Variants in VAV2 observed in about 807,000 individuals in gnomAD.
The protein encoded by VAV2 is guanine nucleotide exchange factor VAV2.
A neutral mutation model predicts 132.5 loss-of-function variants in VAV2; 67 were observed. That is an observed-to-expected ratio of 0.51 (90% CI 0.42 to 0.62). VAV2 has a LOEUF of 0.62. Among genes scored for constraint, VAV2 ranks in the 20% least tolerant of loss-of-function variants. The pLI is 0.00. For synonymous variants in VAV2, 492 were observed against 443.5 expected (o/e 1.11, Z -1.37); for missense variants, 938 against 1,153.6 (o/e 0.81, Z 2.71).
At chr9:133,889,297 C>T (rs186246259) in intron 2 of VAV2, among the ~76,000 whole-genome samples, 1 of 152,282 alleles carries the variant, frequency 6.6e-6, no homozygotes, top group East Asian at 1.9e-4. Context: ...CTCACGGGCA[C>T]GAGCCTAGAA....
At chr9:133,929,833 G>A (rs1840615520) in intron 2 of VAV2, among the ~76,000 whole-genome samples, 1 of 152,170 alleles carries the variant, frequency 6.6e-6, no homozygotes, top group African/African-American at 2.4e-5. Flanking sequence ...CACCGCCAGT[G>A]TCCCCAGGCC....
intron 4 of VAV2, among the ~76,000 whole-genome samples, chr9:133,820,516 A>G (rs975566763): frequency 1.3e-5 from 2 of 151,834 alleles, no homozygotes; most frequent in African/African-American, 4.8e-5. Flanking sequence ...TAGTAGAGAC[A>G]GGGTTTCACT....
intron 26 of VAV2, among the ~76,000 whole-genome samples, chr9:133,771,060 T>C (rs753655551): frequency 7.3e-5 from 9 of 123,326 alleles, no homozygotes; most frequent in Non-Finnish European, 1.5e-4. Flanking sequence ...ATTATGGATT[T>C]TCTTTTTTTT....
intron 2 of VAV2, among the ~76,000 whole-genome samples, chr9:133,889,763 A>C (rs2789854): frequency 0.12 from 18,319 of 151,660 alleles, 1,300 homozygotes; most frequent in South Asian, 0.23. Context: ...CACACACACA[A>C]AAAATTTTTT....
intron 2 of VAV2, among the ~76,000 whole-genome samples, chr9:133,895,185 AAGC>A (rs1272789000): frequency 1.3e-5 from 2 of 152,126 alleles, no homozygotes; most frequent in African/African-American, 4.8e-5. Flanking sequence ...CAGGTGTTGA[AAGC>A]AGGGAATCAA....
intron 3 of VAV2, among the ~76,000 whole-genome samples, chr9:133,856,063 C>T (rs955687992): frequency 6.6e-6 from 1 of 152,236 alleles, no homozygotes; most frequent in African/African-American, 2.4e-5. Context: ...GAAAGGCACG[C>T]ACCGTATGAT....
At chr9:133,933,000 C>T (rs751543233) in intron 2 of VAV2, among the ~76,000 whole-genome samples, 3 of 124,210 alleles carry the variant, frequency 2.4e-5, no homozygotes, top group Non-Finnish European at 5.4e-5. Flanking sequence ...GAAGAAAAAA[C>T]CCAAGGGCCA....
chr9:133,957,207 G>C (rs1841811563), intron 1 of VAV2, among the ~76,000 whole-genome samples: 1 of 152,186 alleles, frequency 6.6e-6, no homozygotes, highest in African/African-American at 2.4e-5. Context: ...AGCTGCTGCA[G>C]GTCCGGTCTC....
intron 3 of VAV2, among the ~76,000 whole-genome samples, chr9:133,855,246 GA>G (rs1837341113): frequency 6.6e-6 from 1 of 152,260 alleles, no homozygotes; most frequent in African/African-American, 2.4e-5. Flanking sequence ...AGTGTGCAGA[GA>G]GGATAGCACA....
chr9:133,956,576 A>G (rs936147557), intron 1 of VAV2, among the ~76,000 whole-genome samples: 2 of 152,182 alleles, frequency 1.3e-5, no homozygotes, highest in Non-Finnish European at 2.9e-5. Context: ...GGAATGTATA[A>G]AAAGCACGCA....
chr9:133,956,373 TGGGCCCAGCGGGTCTGG>T, intron 1 of VAV2, among the ~76,000 whole-genome samples: 1 of 152,260 alleles, frequency 6.6e-6, no homozygotes, highest in African/African-American at 2.4e-5. Flanking sequence ...GCTGTGGGGT[TGGGCCCAGCGGGTCTGG>T]GGGCCTGGTG....
In VAV2 at chr9:133,991,489, G is replaced by C. The variant is rs973266145; in HGVS notation, c.204+586C>G. ...TCGAGGCGGCTCGACCCGGGAGCCAGGACTGGCGCCAAGTGGCCCGGGTCC... is the reference window on the plus strand; with the variant it reads ...TCGAGGCGGCTCGACCCGGGAGCCACGACTGGCGCCAAGTGGCCCGGGTCC... On this transcript the variant is annotated intron_variant, in intron 1 of 29. Coordinates refer to ENST00000371850, the MANE Select transcript of VAV2 (RefSeq NM_001134398.2). The surrounding 1 kb of genome is among the most constrained non-coding windows in gnomAD (Gnocchi z 4.8). Among the ~76,000 whole-genome samples the C allele has an allele frequency of 1.3e-5, 2 of 151,946 alleles. No individual in the cohort carries two copies. The highest frequency in any genetic ancestry group is 4.8e-5 in the African/African-American group (2 of 41,376).
rs959484430 is a variant in VAV2, at chr9:133,823,224, G to A, written c.450-11008C>T. ...CCTTTATGAATGACCCTTATGGAGC[G>A]TTTATCTCAGCAGTGAGAAACAGAA... is the stretch of plus-strand genomic sequence containing the variant. On this transcript the variant is annotated intron_variant, in intron 4 of 29. Transcript: ENST00000371850. This position sits in a 1 kb window ranked among gnomAD's most constrained non-coding sequence, Gnocchi z 5.5. 4.6e-5 allele frequency among the ~76,000 whole-genome samples: 7 copies of A among 152,314 alleles called. No homozygotes were observed. Among genetic ancestry groups the A allele is most frequent in the Admixed American group, 2.6e-4 (4 of 15,304 alleles).
rs1389682547 is a variant in VAV2, at chr9:133,789,402, G to A, written c.1189-59C>T. ...TGGAGCAGCCCCAGTTCTCCTGACCGCACGGGCAGGGCAGACTGTCGTGCA... is the reference window on the plus strand; with the variant it reads ...TGGAGCAGCCCCAGTTCTCCTGACCACACGGGCAGGGCAGACTGTCGTGCA... On this transcript the variant is annotated intron_variant, in intron 13 of 29. Coordinates refer to ENST00000371850, the MANE Select transcript of VAV2 (RefSeq NM_001134398.2). 1.3e-5 allele frequency: 20 copies of A among 1,547,116 alleles called. No homozygotes were observed. The South Asian group carries it at 1.3e-4, about 10-fold the overall frequency.
chr9:133,769,652 C>T lies in VAV2; in HGVS notation c.2348-149G>A. On this transcript the variant is annotated intron_variant, in intron 27 of 29. Transcript: ENST00000371850. The surrounding 1 kb of genome is among the most constrained non-coding windows in gnomAD (Gnocchi z 8.1). ...GGGGGGCAAAGGAGGCAGGGGGCAG[C>T]ACGGGTTGTCAAGCCCCACCCAGGC... The T allele has an allele frequency of 1.2e-6, 1 of 818,534 alleles. No individual in the cohort carries two copies. The highest frequency in any genetic ancestry group is 1.9e-6 in the Non-Finnish European group (1 of 522,142). 50.7% of individuals were successfully genotyped at this position (818,534 alleles called of 1,614,324 possible).
chr9:133,788,585 C>A lies in VAV2; in HGVS notation c.1275-99G>T. ...GAGCCTGAGGCTCTGGCACGCGGCTCCCTCTCCGGGCGAGCCCTGCCCTCA... is the reference window on the plus strand; with the variant it reads ...GAGCCTGAGGCTCTGGCACGCGGCTACCTCTCCGGGCGAGCCCTGCCCTCA... On this transcript the variant is annotated intron_variant, in intron 14 of 29. Coordinates refer to ENST00000371850, the MANE Select transcript of VAV2 (RefSeq NM_001134398.2). This position sits in a 1 kb window ranked among gnomAD's most constrained non-coding sequence, Gnocchi z 5.3. The A allele has an allele frequency of 2.0e-6, 3 of 1,516,312 alleles. No individual in the cohort carries two copies. Among genetic ancestry groups the A allele is most frequent in the Non-Finnish European group, 2.7e-6 (3 of 1,121,408 alleles). The allele number at this position is 1,516,312 out of a possible 1,614,324, so 93.9% of individuals were successfully genotyped here. A position where few individuals can be genotyped will look rare whatever the true frequency, so the allele number is the denominator to read the frequency against.
chr9:133,769,309 T>G lies in VAV2; in HGVS notation c.2434+108A>C. The G allele has an allele frequency of 8.3e-7, 1 of 1,208,078 alleles. No individual in the cohort carries two copies. The highest frequency in any genetic ancestry group is 1.1e-6 in the Non-Finnish European group (1 of 873,716). The allele number at this position is 1,208,078 out of a possible 1,614,324, so 74.8% of individuals were successfully genotyped here. A position where few individuals can be genotyped will look rare whatever the true frequency, so the allele number is the denominator to read the frequency against. On this transcript the variant is annotated intron_variant, in intron 28 of 29. Transcript: ENST00000371850. The surrounding 1 kb of genome is among the most constrained non-coding windows in gnomAD (Gnocchi z 8.1). Reference sequence around the variant, plus strand: ...CACCCAGTGCCAGACTGCGGACAACTGTGGCCACGTCAGGCAGGGCTGTGG... The same window carrying G: ...CACCCAGTGCCAGACTGCGGACAACGGTGGCCACGTCAGGCAGGGCTGTGG...
At chr9:133,775,104 G>A (rs2488559) in intron 24 of VAV2, 53 bp from the exon 25 acceptor site, 1,344,850 of 1,506,738 alleles carry the variant, frequency 0.89, 608,919 homozygotes, top group East Asian at 0.98. Flanking sequence ...CAGTGTCTGA[G>A]GGGTGCCCAG....
At chr9:133,775,953 C>T (rs1428574377) in intron 24 of VAV2, 75 bp downstream of exon 24, 6 of 1,530,182 alleles carry the variant, frequency 3.9e-6, no homozygotes, top group Non-Finnish European at 4.4e-6. Flanking sequence ...ACAGGCACCA[C>T]CCAGACCCGG....
Sources: gnomAD v4.1 joint callset for allele counts (sites outside exome capture counted in the v4.1 genomes callset) on GRCh38, gnomAD v4.1.1 for gene constraint, Gnocchi (gnomAD v3.1) non-coding constraint, MANE v1.5 for transcripts, NCBI Gene and HGNC (gene_info 2026-07-23, HGNC 2026-07-21) for gene names.